Variants in C16orf95 observed in about 807,000 individuals in gnomAD.
C16orf95 encodes uncharacterized protein C16orf95.
In C16orf95, 41 loss-of-function variants were observed where a neutral mutation model predicts 32.1. That is an observed-to-expected ratio of 1.28 (90% CI 1.00 to 1.66). The LOEUF (loss-of-function observed/expected upper bound fraction) is 1.66, where lower values mean the gene tolerates loss of function less well. C16orf95 is among the 40% of genes most tolerant of loss of function. C16orf95 has a pLI of 0.00. For synonymous variants in C16orf95, 147 were observed against 128.9 expected, an observed-to-expected ratio of 1.14 and a Z score of -0.95; for missense variants, 399 against 325.9, an observed-to-expected ratio of 1.22 and a Z score of -1.73.
rs1904387903 is a variant in C16orf95, at chr16:87,317,203, G to A, written c.40C>T (p.His14Tyr). ...GCTCCAGTGGCCTCATGATGATGGT[G>A]ACAACGCCGCGGGGACGGTGGGGAC... ...SRSPPSPRRC[H>Y]HHHEATGAAS... Residue 14 changes from histidine (H) to tyrosine (Y), a missense_variant, in exon 1 of 7, where the codon CAC (histidine) becomes TAC (tyrosine). Coordinates refer to ENST00000567970, the MANE Select transcript of C16orf95 (RefSeq NM_001195124.3). 1 of 1,530,948 alleles carries A rather than the reference G, an allele frequency of 6.5e-7. No individual in the cohort carries two copies. Among genetic ancestry groups the A allele is most frequent in the African/African-American group, 1.4e-5 (1 of 72,810 alleles). 94.8% of individuals were successfully genotyped at this position (1,530,948 alleles called of 1,614,324 possible).
At chr16:87,304,988 C>A (rs984595048) in intron 6 of C16orf95, among the ~76,000 whole-genome samples, 2 of 152,222 alleles carry the variant, frequency 1.3e-5, no homozygotes, top group African/African-American at 4.8e-5. Context: ...CTCATCCATG[C>A]AGTGTGATGC....
chr16:87,316,336 C>A (rs1904333817), intron 1 of C16orf95, among the ~76,000 whole-genome samples: 1 of 152,190 alleles, frequency 6.6e-6, no homozygotes, highest in African/African-American at 2.4e-5. Context: ...GCCTGTGTGG[C>A]TCTTCCCTGT....
intron 3 of C16orf95, among the ~76,000 whole-genome samples, chr16:87,313,853 A>C (rs549893720): frequency 2.0e-5 from 3 of 152,348 alleles, no homozygotes; most frequent in African/African-American, 7.2e-5. Context: ...AATTTAAAAA[A>C]GCAATTCTTT....
intron 1 of C16orf95, 125 bp from the exon 2 acceptor site, chr16:87,315,948 T>A (rs138449567): frequency 7.4e-5 from 39 of 530,258 alleles, no homozygotes; most frequent in Middle Eastern, 6.0e-4. Flanking sequence ...GTGGTGGGGA[T>A]GGGGGGATCC....
rs543976189 is a variant in C16orf95, at chr16:87,303,170, G to A, written c.702-95C>T. 2.0e-5 allele frequency: 25 copies of A among 1,255,672 alleles called. No homozygotes were observed. In the East Asian group the frequency reaches 5.8e-4, roughly 29 times the overall value. 77.8% of individuals were successfully genotyped at this position (1,255,672 alleles called of 1,614,324 possible). ...CCTTGGGAAACCTCCATGAGCGGAAGGCAGAGGCGCTCCACAGTGCACAGG... is the reference window on the plus strand; with the variant it reads ...CCTTGGGAAACCTCCATGAGCGGAAAGCAGAGGCGCTCCACAGTGCACAGG... On this transcript the variant is annotated intron_variant, in intron 6 of 6. Coordinates refer to ENST00000567970, the MANE Select transcript of C16orf95 (RefSeq NM_001195124.3).
chr16:87,312,755 T>G (rs1019833072), intron 3 of C16orf95, among the ~76,000 whole-genome samples: 2 of 152,072 alleles, frequency 1.3e-5, no homozygotes, highest in African/African-American at 4.8e-5. Context: ...GCCATCTCTA[T>G]TTGCAGATGA....
At chr16:87,308,476 CAATAAATA>C (rs60809347) in intron 5 of C16orf95, among the ~76,000 whole-genome samples, 3,421 of 146,860 alleles carry the variant, frequency 0.023, 65 homozygotes, top group Middle Eastern at 0.052. Context: ...GACTGCATCT[CAATAAATA>C]AATAAATAAA....
intron 3 of C16orf95, among the ~76,000 whole-genome samples, chr16:87,312,736 A>T (rs545762130): frequency 1.0e-3 from 157 of 152,190 alleles, no homozygotes; most frequent in Non-Finnish European, 1.9e-3. Context: ...TTGAAAAGGG[A>T]GAAAGAAAGC....
At chr16:87,313,794 G>A (rs1399918145) in intron 3 of C16orf95, among the ~76,000 whole-genome samples, 1 of 152,106 alleles carries the variant, frequency 6.6e-6, no homozygotes, top group Non-Finnish European at 1.5e-5. Flanking sequence ...TCAAGAACTT[G>A]TATCTAGAAT....
chr16:87,309,188 C>T (rs1448267434), intron 5 of C16orf95, among the ~76,000 whole-genome samples: 3 of 152,082 alleles, frequency 2.0e-5, no homozygotes, highest in Non-Finnish European at 2.9e-5. Flanking sequence ...TAGCAGAGTT[C>T]ATGCTGCTCT....
chr16:87,316,368 T>C (rs534233278), intron 1 of C16orf95, among the ~76,000 whole-genome samples: 1 of 152,074 alleles, frequency 6.6e-6, no homozygotes, highest in Non-Finnish European at 1.5e-5. Context: ...ACAAACTGCT[T>C]GAATGTTGGC....
chr16:87,317,047 G>A (rs781239765), intron 1 of C16orf95, 44 bp downstream of exon 1: 5 of 1,468,648 alleles, frequency 3.4e-6, no homozygotes, highest in Non-Finnish European at 3.6e-6. Flanking sequence ...GAACTCACAG[G>A]CGAGGTGTCG....
At position 87,311,183 on chromosome 16, in the gene C16orf95, G is replaced by A. The variant is rs1277592432; in HGVS notation, c.444C>T (p.Tyr148=). 2.0e-6 allele frequency: 3 copies of A among 1,534,912 alleles called. No homozygotes were observed. The highest frequency in any genetic ancestry group is 4.9e-5 in the East Asian group (2 of 40,900). Residue 148 remains tyrosine (Y), a synonymous_variant, in exon 4 of 7, where the codon TAC becomes TAT. Transcript: ENST00000567970. ...GAGACCTCAGGACCTGGGGCACCCA[G>A]TAGGGCATCACTGCCTGGTCCCTAG... is the stretch of plus-strand genomic sequence containing the variant. ...PMPRDQAVMP[Y]WVPQVLRSQQ...
intron 6 of C16orf95, among the ~76,000 whole-genome samples, chr16:87,304,346 G>GCACA (rs1226749190): frequency 0.024 from 1,503 of 62,170 alleles, 1 homozygote; most frequent in Non-Finnish European, 0.03. Context: ...GGGCCACTGT[G>GCACA]CCCGGCCTCG....
intron 3 of C16orf95, among the ~76,000 whole-genome samples, chr16:87,313,115 C>T (rs1401181258): frequency 6.6e-6 from 1 of 151,554 alleles, no homozygotes; most frequent in East Asian, 1.9e-4. Flanking sequence ...TCTACAAAGC[C>T]CACACAGTCC....
chr16:87,311,310 T>C lies in C16orf95; in HGVS notation c.331-14A>G. On this transcript the variant is annotated splice_polypyrimidine_tract_variant and intron_variant, in intron 3 of 6. Coordinates refer to ENST00000567970, the MANE Select transcript of C16orf95 (RefSeq NM_001195124.3). Reference sequence around the variant, plus strand: ...CGTCTTTTGACTCTAACAGAGAGGATGGGAGGAGAAGATTCAGAAGGGGAT... The same window carrying C: ...CGTCTTTTGACTCTAACAGAGAGGACGGGAGGAGAAGATTCAGAAGGGGAT... The C allele has an allele frequency of 6.6e-7, 1 of 1,518,640 alleles. No homozygotes were observed. The highest frequency in any genetic ancestry group is 8.8e-7 in the Non-Finnish European group (1 of 1,134,068). The allele number at this position is 1,518,640 out of a possible 1,614,324, so 94.1% of individuals were successfully genotyped here. A position where few individuals can be genotyped will look rare whatever the true frequency, so the allele number is the denominator to read the frequency against.
At chr16:87,309,022 C>G (rs1281811215) in intron 5 of C16orf95, among the ~76,000 whole-genome samples, 1 of 152,220 alleles carries the variant, frequency 6.6e-6, no homozygotes, top group Non-Finnish European at 1.5e-5. Flanking sequence ...GCTGCACCTT[C>G]AACATCGCCT....
chr16:87,317,151 G>A lies in C16orf95; in HGVS notation c.92C>T (p.Pro31Leu), dbSNP rs1423870140. ...GCAGAGCCCGACGCACCCCGCGCCCGGCCCCCCGGCAGCAGCGCCTGAGGC... is the reference window on the plus strand; with the variant it reads ...GCAGAGCCCGACGCACCCCGCGCCCAGCCCCCCGGCAGCAGCGCCTGAGGC... ...GAASGAAAGG[P>L]GAGCVGLCRL... is the part of the protein sequence containing the mutation. The change falls in exon 1 of 7, where the codon CCG (proline) becomes CTG (leucine). Residue 31 changes from proline (P) to leucine (L), a missense_variant. Coordinates refer to ENST00000567970, the MANE Select transcript of C16orf95 (RefSeq NM_001195124.3). 2.0e-6 allele frequency: 3 copies of A among 1,532,260 alleles called. No homozygotes were observed. The highest frequency in any genetic ancestry group is 4.0e-5 in the Admixed American group (2 of 50,486). The allele number at this position is 1,532,260 out of a possible 1,614,324, so 94.9% of individuals were successfully genotyped here.
chr16:87,310,079 T>C (rs12445416), intron 5 of C16orf95, among the ~76,000 whole-genome samples: 6,350 of 152,150 alleles, frequency 0.042, 584 homozygotes, highest in East Asian at 0.39. Context: ...ATGGGTAGGG[T>C]CTGCCTGTAG....
Sources: gnomAD v4.1 joint callset for allele counts (sites outside exome capture counted in the v4.1 genomes callset) on GRCh38, gnomAD v4.1.1 for gene constraint, MANE v1.5 for transcripts, NCBI Gene and HGNC (gene_info 2026-07-23, HGNC 2026-07-21) for gene names.